The following TENM3 variants were observed in gnomAD, a reference collection of about 807,000 sequenced individuals.
TENM3 encodes teneurin-3.
In TENM3, 63 loss-of-function variants were observed where a neutral mutation model predicts 255.1. The ratio of observed to expected loss-of-function variants is 0.25; its 90% CI spans 0.20 to 0.30. TENM3 has a LOEUF of 0.30. TENM3 is among the 10% of genes least tolerant of loss of function. The pLI, the probability that TENM3 is intolerant of heterozygous loss-of-function variation, is 1.00. For missense variants in TENM3, 2,929 were observed against 3,461.1 expected (o/e 0.85, Z 3.86); for synonymous variants, 1,306 against 1,322.3 (o/e 0.99, Z 0.27).
chr4:182,651,215 T>A (rs1033209349), intron 5 of TENM3, among the ~76,000 whole-genome samples: 1 of 152,030 alleles, frequency 6.6e-6, no homozygotes, highest in Non-Finnish European at 1.5e-5. Context: ...AAAACTAAGC[T>A]CCCATTATTT....
At chr4:182,465,194 G>A (rs1195082578) in intron 3 of TENM3, among the ~76,000 whole-genome samples, 1 of 152,080 alleles carries the variant, frequency 6.6e-6, no homozygotes, top group African/African-American at 2.4e-5. Context: ...ATTTGCACTG[G>A]GTTTATATAA....
intron 1 of TENM3, among the ~76,000 whole-genome samples, chr4:182,188,385 G>A (rs961460524): frequency 5.3e-5 from 8 of 152,080 alleles, no homozygotes; most frequent in Non-Finnish European, 1.2e-4. Flanking sequence ...GTCATCTTCT[G>A]ACATTAAATT....
In TENM3 at chr4:182,688,307, A is replaced by T; in HGVS notation, c.2177A>T (p.Lys726Met). The T allele has an allele frequency of 1.2e-6, 2 of 1,613,902 alleles. 1 individual carries two copies. Among genetic ancestry groups the T allele is most frequent in the African/African-American group, 2.7e-5 (2 of 75,052 alleles). Residue 726 changes from lysine (K) to methionine (M), a missense_variant, in exon 12 of 28, where the codon AAG becomes ATG. Lys to Met is a moderately conservative substitution (Grantham distance 95). This residue lies in a region of TENM3 where 1,608 missense variants were observed against 1,884.4 expected (regional missense o/e 0.85). Transcript: ENST00000511685. ...GAGCACGGGACCTGCAAGGATGGCAAGTGTGAATGCAGCCAGGGCTGGAAT... is the reference window on the plus strand; with the variant it reads ...GAGCACGGGACCTGCAAGGATGGCATGTGTGAATGCAGCCAGGGCTGGAAT... Reference protein sequence around the residue: ...CAEHGTCKDGKCECSQGWNGE... With the variant: ...CAEHGTCKDGMCECSQGWNGE...
the TENM3 span, among the ~76,000 whole-genome samples, chr4:181,464,700 C>T: frequency 6.6e-6 from 1 of 152,036 alleles, no homozygotes; most frequent in Non-Finnish European, 1.5e-5. Context: ...CCTGTAATCC[C>T]AGGACTTTGG....
At chr4:182,682,873 C>T (rs1180590267) in intron 11 of TENM3, among the ~76,000 whole-genome samples, 1 of 151,974 alleles carries the variant, frequency 6.6e-6, no homozygotes, top group African/African-American at 2.4e-5. Flanking sequence ...AAGATGAATA[C>T]ATATGAAAAA....
intron 3 of TENM3, among the ~76,000 whole-genome samples, chr4:182,555,672 C>T (rs1480736438): frequency 3.3e-5 from 5 of 152,106 alleles, no homozygotes; most frequent in Non-Finnish European, 7.4e-5. Flanking sequence ...AAACCAAGTG[C>T]ACATATTAAC....
At chr4:182,396,897 G>A (rs991183127) in intron 3 of TENM3, among the ~76,000 whole-genome samples, 3 of 151,988 alleles carry the variant, frequency 2.0e-5, no homozygotes, top group African/African-American at 7.3e-5. Flanking sequence ...GAGAGTGGGA[G>A]GTTGCAGTGA....
rs112948199 is a variant in TENM3, at chr4:182,369,487, G to A, written c.511+22558G>A. On this transcript the variant is annotated intron_variant, in intron 3 of 27. Coordinates refer to ENST00000511685, the MANE Select transcript of TENM3 (RefSeq NM_001080477.4). ...AGATTACGTGCTTTGCAATGAGAAG[G>A]AAAGAGCTTTTTCAACTTAAATGTC... Among the ~76,000 whole-genome samples, 551 of 152,332 alleles carry A rather than the reference G, an allele frequency of 3.6e-3. 2 individuals carry two copies. Among genetic ancestry groups the A allele is most frequent in the Non-Finnish European group, 5.4e-3 (367 of 68,030 alleles).
the TENM3 span, among the ~76,000 whole-genome samples, chr4:181,705,746 TAAAATA>T: frequency 6.6e-6 from 1 of 152,116 alleles, no homozygotes; most frequent in African/African-American, 2.4e-5. Context: ...CCCCAGAACT[TAAAATA>T]AAAATAAAAT....
At chr4:182,001,938 C>T in the TENM3 span, among the ~76,000 whole-genome samples, 1 of 152,080 alleles carries the variant, frequency 6.6e-6, no homozygotes, top group African/African-American at 2.4e-5. Flanking sequence ...GATCATTCAG[C>T]ATAGGAACTT....
the TENM3 span, among the ~76,000 whole-genome samples, chr4:182,099,184 A>C: frequency 3.3e-5 from 5 of 151,972 alleles, no homozygotes; most frequent in African/African-American, 1.2e-4. Flanking sequence ...GGCTGGTCTC[A>C]AACTACAGGG....
chr4:182,512,325 AAGATGACAGAGTCACC>A (rs1193510805), intron 3 of TENM3, among the ~76,000 whole-genome samples: 1 of 152,210 alleles, frequency 6.6e-6, no homozygotes, highest in East Asian at 1.9e-4. Context: ...GGGACCGTAG[AAGATGACAGAGTCACC>A]AGATGGGAAG....
At chr4:181,889,408 C>G in the TENM3 span, among the ~76,000 whole-genome samples, 1 of 152,128 alleles carries the variant, frequency 6.6e-6, no homozygotes, top group Admixed American at 6.6e-5. Context: ...CACCACCCTG[C>G]CCATAGAGCC....
chr4:181,679,521 A>G, the TENM3 span, among the ~76,000 whole-genome samples: 1 of 152,142 alleles, frequency 6.6e-6, no homozygotes, highest in Non-Finnish European at 1.5e-5. Flanking sequence ...AGCAAAATAT[A>G]TGTTGTATAG....
At chr4:181,522,114 A>T in the TENM3 span, among the ~76,000 whole-genome samples, 1 of 150,156 alleles carries the variant, frequency 6.7e-6, no homozygotes. Context: ...AAAAAAAAAA[A>T]AAAAAAAAAA....
the TENM3 span, among the ~76,000 whole-genome samples, chr4:182,131,325 A>T: frequency 6.6e-6 from 1 of 152,158 alleles, no homozygotes; most frequent in South Asian, 2.1e-4. Context: ...ACTACTATGG[A>T]TCTGTTAGAA....
chr4:182,058,920 A>C, the TENM3 span, among the ~76,000 whole-genome samples: 1 of 149,330 alleles, frequency 6.7e-6, no homozygotes, highest in African/African-American at 2.5e-5. Flanking sequence ...AGCTAAAACA[A>C]AGTTTTGAGG....
At chr4:181,961,094 G>A in the TENM3 span, among the ~76,000 whole-genome samples, 1 of 152,162 alleles carries the variant, frequency 6.6e-6, no homozygotes, top group Admixed American at 6.5e-5. Flanking sequence ...AGAAAATGTG[G>A]AAGCAATTAT....
At chr4:182,636,213 A>G (rs10004399) in intron 5 of TENM3, among the ~76,000 whole-genome samples, 34,994 of 152,106 alleles carry the variant, frequency 0.23, 4,847 homozygotes, top group African/African-American at 0.38. Flanking sequence ...TGTGTTGCCT[A>G]TATTTTAGAG....
Sources: allele counts gnomAD v4.1 joint callset (sites outside exome capture counted in the v4.1 genomes callset), GRCh38; gene constraint gnomAD v4.1.1; regional missense constraint gnomAD v4.1.1; transcripts MANE v1.5; gene names NCBI Gene and HGNC (gene_info 2026-07-23, HGNC 2026-07-21).